The following CSMD1 variants were observed in gnomAD, a reference collection of about 807,000 sequenced individuals.
CSMD1 encodes the protein CUB and sushi domain-containing protein 1.
Under a neutral mutation model 417.5 loss-of-function variants are expected in CSMD1, and 213 were observed. The observed-to-expected ratio is 0.51, with a 90% CI of 0.46 to 0.57. The LOEUF (loss-of-function observed/expected upper bound fraction) is 0.57. Among genes scored for constraint, CSMD1 ranks in the 20% least tolerant of loss-of-function variants. CSMD1 has a pLI of 0.00. For synonymous variants in CSMD1, 2,862 were observed against 1,736.8 expected, an observed-to-expected ratio of 1.65 and a Z score of -16.11; for missense variants, 6,923 against 4,529.7, an observed-to-expected ratio of 1.53 and a Z score of -15.17.
chr8:3,440,729 G>A (rs548926312), intron 12 of CSMD1, among the ~76,000 whole-genome samples: 2 of 152,152 alleles, frequency 1.3e-5, no homozygotes, highest in African/African-American at 2.4e-5. Context: ...TTACTCTTAG[G>A]GGGTAACATC....
At chr8:4,834,131 T>A (rs950398886) in intron 1 of CSMD1, among the ~76,000 whole-genome samples, 4 of 152,242 alleles carry the variant, frequency 2.6e-5, no homozygotes, top group Non-Finnish European at 5.9e-5. Flanking sequence ...AATTGAAAGT[T>A]TTTAAACACC....
rs573080572 is a variant in CSMD1 at position 4,472,704 on chromosome 8, T to C, written c.303-52639A>G. Reference sequence around the variant, plus strand: ...TATCAAGAAAATATTGAAATGAGCATATTAGGTGTAAACAGCACTTTTACT... The same window carrying C: ...TATCAAGAAAATATTGAAATGAGCACATTAGGTGTAAACAGCACTTTTACT... On this transcript the variant is annotated intron_variant, in intron 2 of 69. Coordinates refer to ENST00000635120, the MANE Select transcript of CSMD1 (RefSeq NM_033225.6). Among the ~76,000 whole-genome samples, 23 of 152,140 alleles carry C rather than the reference T, an allele frequency of 1.5e-4. No homozygotes were observed. The East Asian group carries it at 2.1e-3, about 14-fold the overall frequency.
chr8:4,802,536 T>A (rs183649910), intron 1 of CSMD1, among the ~76,000 whole-genome samples: 1 of 152,164 alleles, frequency 6.6e-6, no homozygotes. Flanking sequence ...TCCAAGCAAC[T>A]TGAAACTTTA....
At chr8:4,752,700 G>C (rs1158043959) in intron 1 of CSMD1, among the ~76,000 whole-genome samples, 1 of 152,134 alleles carries the variant, frequency 6.6e-6, no homozygotes, top group Non-Finnish European at 1.5e-5. Flanking sequence ...CTCTACACAG[G>C]GGTGGTTTAC....
chr8:4,600,048 A>G (rs1316242528), intron 2 of CSMD1, among the ~76,000 whole-genome samples: 2 of 152,220 alleles, frequency 1.3e-5, no homozygotes, highest in African/African-American at 4.8e-5. Flanking sequence ...GTAGGTACCC[A>G]CCAATGGCTT....
intron 39 of CSMD1, among the ~76,000 whole-genome samples, chr8:3,152,285 C>G (rs1819244880): frequency 1.3e-5 from 2 of 152,150 alleles, no homozygotes; most frequent in African/African-American, 2.4e-5. Flanking sequence ...ACAAACATGC[C>G]CAGTGATACA....
intron 41 of CSMD1, among the ~76,000 whole-genome samples, chr8:3,139,694 T>A (rs141919794): frequency 1.3e-5 from 2 of 152,062 alleles, no homozygotes; most frequent in African/African-American, 4.8e-5. Context: ...TATAAATAGA[T>A]ATGTACGTGT....
intron 5 of CSMD1, among the ~76,000 whole-genome samples, chr8:3,881,608 C>CAAAAAAAAAAAACAAA (rs1806207853): frequency 9.8e-6 from 1 of 102,546 alleles, no homozygotes; most frequent in Non-Finnish European, 2.1e-5. Context: ...GACTCCATCT[C>CAAAAAAAAAAAACAAA]AAAAAAAAAA....
intron 3 of CSMD1, among the ~76,000 whole-genome samples, chr8:4,043,985 A>C (rs1798022077): frequency 6.6e-6 from 1 of 152,132 alleles, no homozygotes; most frequent in South Asian, 2.1e-4. Flanking sequence ...TTTTAAATGC[A>C]ACTGTAATGT....
intron 3 of CSMD1, among the ~76,000 whole-genome samples, chr8:4,410,673 A>G (rs1796604430): frequency 6.6e-6 from 1 of 152,218 alleles, no homozygotes; most frequent in South Asian, 2.1e-4. Context: ...CTGACACAAG[A>G]GTATACTGGA....
chr8:4,110,300 A>G (rs1801783476), intron 3 of CSMD1, among the ~76,000 whole-genome samples: 2 of 152,164 alleles, frequency 1.3e-5, no homozygotes, highest in South Asian at 4.1e-4. Context: ...TAATTTATTT[A>G]TCCACCATTT....
At chr8:4,645,392 T>G (rs370194267) in intron 1 of CSMD1, among the ~76,000 whole-genome samples, 1 of 126,862 alleles carries the variant, frequency 7.9e-6, no homozygotes, top group African/African-American at 3.0e-5. Flanking sequence ...TCATTCAGTG[T>G]GTACCCACTC....
In CSMD1 at chr8:4,855,712, G is replaced by GA. The variant is rs530325997; in HGVS notation, c.85+138619dup. ...AATGAAGCGAGAAGGGAAGTCTAGA[G>GA]AAAAAAGAATAAAAAGAAATGAGCA... On this transcript the variant is annotated intron_variant, in intron 1 of 69. Transcript: ENST00000635120. Among the ~76,000 whole-genome samples the GA allele has an allele frequency of 6.6e-4, 100 of 152,068 alleles. No individual in the cohort carries two copies. In the South Asian group the frequency reaches 0.019, roughly 29 times the overall value.
chr8:4,544,875 G>T (rs757761204), intron 2 of CSMD1, among the ~76,000 whole-genome samples: 2 of 152,168 alleles, frequency 1.3e-5, no homozygotes, highest in Non-Finnish European at 2.9e-5. Flanking sequence ...AAGCAGCAAG[G>T]AATCTTCTCC....
intron 6 of CSMD1, among the ~76,000 whole-genome samples, chr8:3,726,170 A>C (rs903828639): frequency 2.0e-5 from 3 of 151,968 alleles, no homozygotes; most frequent in Non-Finnish European, 4.4e-5. Context: ...GCCAATCTCC[A>C]CACGAATCAG....
At chr8:3,604,621 C>T (rs1801522204) in intron 8 of CSMD1, among the ~76,000 whole-genome samples, 1 of 151,632 alleles carries the variant, frequency 6.6e-6, no homozygotes, top group Admixed American at 6.6e-5. Context: ...AAATAGTAAG[C>T]AAGAAAAGGA....
rs547387231 is a variant in CSMD1, at chr8:4,386,945, T to A, written c.415+33008A>T. Among the ~76,000 whole-genome samples the A allele has an allele frequency of 1.1e-4, 16 of 152,212 alleles. No homozygotes were observed. In the South Asian group the frequency reaches 3.3e-3, roughly 32 times the overall value. ...GCAGATAATACTATTGATAGAAAAATCATGAAGTGTAATATGTTACGATTA... is the reference window on the plus strand; with the variant it reads ...GCAGATAATACTATTGATAGAAAAAACATGAAGTGTAATATGTTACGATTA... On this transcript the variant is annotated intron_variant, in intron 3 of 69. Coordinates refer to ENST00000635120, the MANE Select transcript of CSMD1 (RefSeq NM_033225.6).
chr8:3,851,041 A>G (rs1803871346), intron 5 of CSMD1, among the ~76,000 whole-genome samples: 1 of 152,232 alleles, frequency 6.6e-6, no homozygotes, highest in Non-Finnish European at 1.5e-5. Flanking sequence ...TCACATAACA[A>G]TTTGTAGAAA....
At chr8:3,521,177 A>C (rs746509400) in intron 10 of CSMD1, among the ~76,000 whole-genome samples, 2 of 151,996 alleles carry the variant, frequency 1.3e-5, no homozygotes, top group African/African-American at 4.8e-5. Flanking sequence ...AAACAGGTTA[A>C]CTCTATTTTT....
Sources: gnomAD v4.1 joint callset for allele counts (sites outside exome capture counted in the v4.1 genomes callset) on GRCh38, gnomAD v4.1.1 for gene constraint, MANE v1.5 for transcripts, NCBI Gene and HGNC (gene_info 2026-07-23, HGNC 2026-07-21) for gene names.